The following PAMR1 variants were observed in gnomAD, a reference collection of about 807,000 sequenced individuals.
PAMR1 encodes the protein inactive serine protease PAMR1.
PAMR1 carries 88 observed loss-of-function variants against 81.8 expected under a neutral mutation model. The observed-to-expected ratio is 1.08, with a 90% CI of 0.91 to 1.28. The LOEUF (loss-of-function observed/expected upper bound fraction) is 1.28, where lower values mean the gene tolerates loss of function less well. Ranked by LOEUF, PAMR1 falls within the 50% of genes most tolerant of loss-of-function variation. The probability of loss-of-function intolerance (pLI) is 0.00; values close to 1 mark genes in which losing one functional copy is unlikely to be tolerated. For missense variants in PAMR1, 935 were observed against 919.7 expected (o/e 1.02, Z -0.21); for synonymous variants, 336 against 345.3 (o/e 0.97, Z 0.30).
chr11:35,467,989 A>G lies in PAMR1; in HGVS notation c.820+12T>C. On this transcript the variant is annotated intron_variant, in intron 6 of 10. Coordinates refer to ENST00000619888, the MANE Select transcript of PAMR1 (RefSeq NM_001001991.3). ...TCTGACACCTTAACTCCCACTTAGG[A>G]AGCATACTCACGATTTTCACAGCGC... 2.0e-6 allele frequency: 3 copies of G among 1,513,128 alleles called. No individual in the cohort carries two copies. The South Asian group carries it at 3.6e-5, about 18-fold the overall frequency. The allele number at this position is 1,513,128 out of a possible 1,614,324, so 93.7% of individuals were successfully genotyped here. A position where few individuals can be genotyped will look rare whatever the true frequency, so the allele number is the denominator to read the frequency against.
chr11:35,460,874 C>T (rs1471159924), intron 6 of PAMR1, among the ~76,000 whole-genome samples: 1 of 152,094 alleles, frequency 6.6e-6, no homozygotes, highest in Non-Finnish European at 1.5e-5. Flanking sequence ...GTTCTAGATC[C>T]CTGAGGAATC....
intron 1 of PAMR1, among the ~76,000 whole-genome samples, chr11:35,506,597 T>G (rs1311425384): frequency 1.3e-5 from 2 of 150,090 alleles, no homozygotes; most frequent in Admixed American, 6.6e-5. Context: ...GCAGGGTTTG[T>G]TTTTTTTTCA....
chr11:35,495,925 C>A (rs1850720107), intron 1 of PAMR1, among the ~76,000 whole-genome samples: 1 of 152,172 alleles, frequency 6.6e-6, no homozygotes, highest in Non-Finnish European at 1.5e-5. Flanking sequence ...CTTTTTAAAT[C>A]ATTTTTCCAC....
chr11:35,475,414 T>C (rs1850267624), intron 3 of PAMR1, among the ~76,000 whole-genome samples: 2 of 152,196 alleles, frequency 1.3e-5, no homozygotes, highest in South Asian at 4.1e-4. Flanking sequence ...AAGGGGCTCC[T>C]GGTTAAAGCA....
intron 1 of PAMR1, among the ~76,000 whole-genome samples, chr11:35,504,087 T>G (rs1001872332): frequency 6.6e-6 from 1 of 152,194 alleles, no homozygotes; most frequent in Admixed American, 6.5e-5. Flanking sequence ...CATGAGGGGA[T>G]GTTGAATTTT....
intron 1 of PAMR1, among the ~76,000 whole-genome samples, chr11:35,515,207 G>A (rs1851140208): frequency 6.6e-6 from 1 of 152,172 alleles, no homozygotes. Context: ...GAGTCAGAGT[G>A]CATTAGGACT....
rs150941960 is a variant in PAMR1, at chr11:35,439,687, C to T, written c.1040G>A (p.Arg347Gln). ...CACCAGGTCTGAAATCTTTGGTTCTCGGCAGGCTAGAAATAAAAAAGACAA... is the reference window on the plus strand; with the variant it reads ...CACCAGGTCTGAAATCTTTGGTTCTTGGCAGGCTAGAAATAAAAAAGACAA... ...GKQPICIKACREPKISDLVRR... is the reference protein window; with the variant it reads ...GKQPICIKACQEPKISDLVRR... The change falls in exon 8 of 11, where the codon CGA becomes CAA. Residue 347 changes from arginine to glutamine, a missense_variant. Transcript: ENST00000619888. The T allele has an allele frequency of 4.2e-5, 67 of 1,613,324 alleles. No individual in the cohort carries two copies. Among genetic ancestry groups the T allele is most frequent in the Admixed American group, 5.0e-5 (3 of 59,990 alleles).
chr11:35,513,916 G>A (rs191958296), intron 1 of PAMR1, among the ~76,000 whole-genome samples: 62 of 152,256 alleles, frequency 4.1e-4, no homozygotes, highest in Admixed American at 5.9e-4. Flanking sequence ...AGGAGAATGC[G>A]TTACCAAAAA....
intron 4 of PAMR1, among the ~76,000 whole-genome samples, chr11:35,472,790 G>A (rs1388309301): frequency 6.6e-6 from 1 of 152,218 alleles, no homozygotes; most frequent in East Asian, 1.9e-4. Flanking sequence ...GATGCTGCAA[G>A]GTGGTGAATG....
intron 1 of PAMR1, among the ~76,000 whole-genome samples, chr11:35,502,751 T>C (rs1457721277): frequency 6.6e-6 from 1 of 152,204 alleles, no homozygotes; most frequent in Non-Finnish European, 1.5e-5. Context: ...CCTTGTCAGA[T>C]GGATAGCTTG....
chr11:35,510,751 G>C (rs1474298209), intron 1 of PAMR1, among the ~76,000 whole-genome samples: 1 of 151,996 alleles, frequency 6.6e-6, no homozygotes. Context: ...TTTTCTCTTG[G>C]CATTGAATAG....
intron 3 of PAMR1, among the ~76,000 whole-genome samples, chr11:35,484,716 A>G (rs1326002279): frequency 6.6e-6 from 1 of 152,196 alleles, no homozygotes; most frequent in Non-Finnish European, 1.5e-5. Context: ...AAATCCTCTC[A>G]TCTGGGTTGC....
At chr11:35,491,215 C>T (rs536744146) in intron 3 of PAMR1, among the ~76,000 whole-genome samples, 5 of 152,164 alleles carry the variant, frequency 3.3e-5, no homozygotes, top group Non-Finnish European at 7.3e-5. Flanking sequence ...AGCTGCAGAC[C>T]ATATACTCAT....
chr11:35,523,262 C>T (rs1445187313), intron 1 of PAMR1, among the ~76,000 whole-genome samples: 3 of 152,220 alleles, frequency 2.0e-5, no homozygotes, highest in African/African-American at 7.2e-5. Context: ...CACTGAATAT[C>T]TGCACTTCAA....
upstream of PAMR1, chr11:35,525,624 G>A (rs1187323607): frequency 6.3e-7 from 1 of 1,592,874 alleles, no homozygotes; most frequent in Non-Finnish European, 8.6e-7. Context: ...ACTGGGGAGG[G>A]AGAGGAGGGA....
intron 1 of PAMR1, among the ~76,000 whole-genome samples, chr11:35,510,417 C>T (rs1456443151): frequency 6.6e-6 from 1 of 152,244 alleles, no homozygotes; most frequent in South Asian, 2.1e-4. Flanking sequence ...GTTTTACTGC[C>T]CTAAGAATTC....
intron 6 of PAMR1, among the ~76,000 whole-genome samples, chr11:35,454,312 G>A (rs2135358841): frequency 6.6e-6 from 1 of 152,232 alleles, no homozygotes; most frequent in East Asian, 1.9e-4. Context: ...AAATATCTAG[G>A]AGATTTTTGT....
rs367713871 is a variant in PAMR1, at chr11:35,479,936, C to T, written c.380-5192G>A. On this transcript the variant is annotated intron_variant, in intron 3 of 10. Coordinates refer to ENST00000619888, the MANE Select transcript of PAMR1 (RefSeq NM_001001991.3). ...GATGCCTGGTTCATAGTAAGTACTA[C>T]GTGTTGGCTTTTATCAGGGGCTCAG... is the stretch of plus-strand genomic sequence containing the variant. 1.5e-4 allele frequency among the ~76,000 whole-genome samples: 23 copies of T among 152,258 alleles called. 1 individual carries two copies. The South Asian group carries it at 2.3e-3, about 15-fold the overall frequency.
At chr11:35,478,176 C>G (rs539856561) in intron 3 of PAMR1, among the ~76,000 whole-genome samples, 2 of 152,322 alleles carry the variant, frequency 1.3e-5, no homozygotes, top group Non-Finnish European at 2.9e-5. Context: ...AGGCCCCTCC[C>G]CAAATCCAAG....
Sources: allele counts gnomAD v4.1 joint callset (sites outside exome capture counted in the v4.1 genomes callset), GRCh38; gene constraint gnomAD v4.1.1; transcripts MANE v1.5; gene names NCBI Gene and HGNC (gene_info 2026-07-23, HGNC 2026-07-21).